Variants in ZNF560 observed in about 807,000 individuals in gnomAD.
The protein encoded by ZNF560 is zinc finger protein 560.
A neutral mutation model predicts 81.8 loss-of-function variants in ZNF560; 54 were observed. The ratio of observed to expected loss-of-function variants is 0.66; its 90% CI spans 0.53 to 0.83. ZNF560 has a LOEUF of 0.83. Among genes scored for constraint, ZNF560 ranks in the 40% least tolerant of loss-of-function variants. The pLI, the probability that ZNF560 is intolerant of heterozygous loss-of-function variation, is 0.00. For missense variants in ZNF560, 940 were observed against 932.4 expected (o/e 1.01, Z -0.11); for synonymous variants, 321 against 317.9 (o/e 1.01, Z -0.10).
rs3068759 is a variant in ZNF560, at chr19:9,471,416, T to TA, written c.239-39dup. On this transcript the variant is annotated intron_variant, in intron 5 of 9. Coordinates refer to ENST00000301480, the MANE Select transcript of ZNF560 (RefSeq NM_152476.3). ...CATAAACTGAGGTTTTTTTTTTTTT[T>TA]AAAAAAAAAGGTAAAATGAAAGAGT... is the stretch of plus-strand genomic sequence containing the variant. 2.4e-3 allele frequency: 3,072 copies of TA among 1,277,196 alleles called. 1 individual carries two copies. The highest frequency in any genetic ancestry group is 9.0e-3 in the South Asian group (581 of 64,230). The allele number at this position is 1,277,196 out of a possible 1,614,324, so 79.1% of individuals were successfully genotyped here.
chr19:9,465,384 T>C (rs2072999473), downstream of ZNF560, among the ~76,000 whole-genome samples: 1 of 152,178 alleles, frequency 6.6e-6, no homozygotes, highest in African/African-American at 2.4e-5. Context: ...GTGATCCACC[T>C]GCCTCAGCCT....
At chr19:9,472,311 G>C (rs2144692861) in intron 5 of ZNF560, among the ~76,000 whole-genome samples, 2 of 152,212 alleles carry the variant, frequency 1.3e-5, no homozygotes, top group South Asian at 4.2e-4. Flanking sequence ...ATTCATGTGA[G>C]ACCTGGTAGT....
downstream of ZNF560, among the ~76,000 whole-genome samples, chr19:9,461,364 T>C (rs538545010): frequency 6.6e-6 from 1 of 152,054 alleles, no homozygotes; most frequent in Non-Finnish European, 1.5e-5. Flanking sequence ...CAAGAAGGAG[T>C]TGGTTACCGG....
At chr19:9,469,895 C>T (rs1040631740) in intron 7 of ZNF560, 185 bp from the exon 8 acceptor site, 1 of 561,270 alleles carries the variant, frequency 1.8e-6, no homozygotes, top group Non-Finnish European at 3.2e-6. Context: ...TCAAGCTTAA[C>T]TCATTTCCTG....
At chr19:9,483,945 TA>T in intron 2 of ZNF560, among the ~76,000 whole-genome samples, 1 of 152,230 alleles carries the variant, frequency 6.6e-6, no homozygotes, top group African/African-American at 2.4e-5. Flanking sequence ...TGTTCTGTAG[TA>T]AGAAAAATTC....
intron 2 of ZNF560, among the ~76,000 whole-genome samples, chr19:9,496,757 G>A (rs2073565599): frequency 6.6e-6 from 1 of 151,594 alleles, no homozygotes. Context: ...CCAACATGGT[G>A]AAACCCCATC....
chr19:9,468,056 A>G lies in ZNF560; in HGVS notation c.891T>C (p.Tyr297=), dbSNP rs2073059787. 1.2e-6 allele frequency: 2 copies of G among 1,614,204 alleles called. No homozygotes were observed. The highest frequency in any genetic ancestry group is 1.7e-5 in the Admixed American group (1 of 60,024). The stretch of plus-strand genomic sequence containing the variant: ...ATGACTGATAAATGAAGGCTTTCCC[A>G]TAGTCAGTGCCTTCAAAGGATTTAT... ...TQDKSFEGTD[Y]GKAFIYQSYL... is the part of the protein sequence containing the mutation. The change falls in exon 10 of 10, where the codon TAT becomes TAC. Residue 297 remains tyrosine (Y), a synonymous_variant. Coordinates refer to ENST00000301480, the MANE Select transcript of ZNF560 (RefSeq NM_152476.3).
chr19:9,464,965 C>T (rs544440029), downstream of ZNF560, among the ~76,000 whole-genome samples: 1 of 152,118 alleles, frequency 6.6e-6, no homozygotes, highest in African/African-American at 2.4e-5. Flanking sequence ...AATTACTTTC[C>T]AACATTTATT....
intron 2 of ZNF560, among the ~76,000 whole-genome samples, chr19:9,495,443 C>T (rs770749297): frequency 2.6e-5 from 4 of 152,158 alleles, no homozygotes; most frequent in Admixed American, 6.5e-5. Flanking sequence ...TAGTAGCTCA[C>T]GGCTGCAATC....
chr19:9,455,723 G>C, the ZNF560 span, among the ~76,000 whole-genome samples: 2 of 152,190 alleles, frequency 1.3e-5, no homozygotes, highest in Non-Finnish European at 2.9e-5. Flanking sequence ...CTAATCCCAA[G>C]TGCCAGGCTG....
chr19:9,448,226 G>GT, the ZNF560 span, among the ~76,000 whole-genome samples: 768 of 147,630 alleles, frequency 5.2e-3, 10 homozygotes, highest in African/African-American at 0.018. Flanking sequence ...GTGTGCGTGT[G>GT]GCGGGGGGTT....
chr19:9,474,153 G>A (rs760621353), intron 4 of ZNF560, 46 bp downstream of exon 4: 6 of 1,609,896 alleles, frequency 3.7e-6, no homozygotes, highest in Non-Finnish European at 5.1e-6. Context: ...AGTACACAAT[G>A]TATATCTCTT....
Position 9,466,843 on chromosome 19 carries a change from G to A in ZNF560, c.2104C>T (p.Arg702Cys), listed in dbSNP as rs757976367. The change falls in exon 10 of 10, where the codon CGC becomes TGC. Residue 702 changes from arginine to cysteine, a missense_variant. By Grantham distance (180) the Arg-to-Cys change is radical. Coordinates refer to ENST00000301480, the MANE Select transcript of ZNF560 (RefSeq NM_152476.3). ...SFRNSMCFHDRLKTLTKIKPY... is the reference protein window; with the variant it reads ...SFRNSMCFHDCLKTLTKIKPY... ...TTTATTTTGGTGAGAGTTTTTAAGC[G>A]ATCATGAAAGCACATGGAATTTCGA... 1.1e-5 allele frequency: 18 copies of A among 1,614,040 alleles called. 1 individual carries two copies. Among genetic ancestry groups the A allele is most frequent in the South Asian group, 3.3e-5 (3 of 91,068 alleles).
chr19:9,488,868 T>C lies in ZNF560; in HGVS notation c.-57+9260A>G, dbSNP rs552011825. On this transcript the variant is annotated intron_variant, in intron 2 of 9. Transcript: ENST00000301480. ...ATGGGGGCAGATTTCTCATGAATGG[T>C]TTAGCACCATCTCCTTTGATACTGT... Among the ~76,000 whole-genome samples the C allele has an allele frequency of 7.8e-4, 119 of 152,176 alleles. 1 individual carries two copies. The South Asian group carries it at 0.025, about 31-fold the overall frequency.
intron 2 of ZNF560, among the ~76,000 whole-genome samples, chr19:9,491,034 C>T (rs573425424): frequency 6.6e-6 from 1 of 152,300 alleles, no homozygotes; most frequent in South Asian, 2.1e-4. Context: ...GAACAGGAAA[C>T]AGTAAATAGT....
upstream of ZNF560, among the ~76,000 whole-genome samples, chr19:9,499,208 C>T (rs1432920760): frequency 1.3e-5 from 2 of 151,096 alleles, no homozygotes; most frequent in East Asian, 1.9e-4. Context: ...GGGTCTGGCT[C>T]GGTTGCCAAG....
intron 2 of ZNF560, among the ~76,000 whole-genome samples, chr19:9,482,722 G>A (rs2073311265): frequency 6.7e-6 from 1 of 150,004 alleles, no homozygotes; most frequent in Non-Finnish European, 1.5e-5. Flanking sequence ...AGCCGAAGCT[G>A]GACTGTACTG....
intron 2 of ZNF560, among the ~76,000 whole-genome samples, chr19:9,478,181 A>C (rs1388973584): frequency 6.6e-6 from 1 of 152,182 alleles, no homozygotes; most frequent in Non-Finnish European, 1.5e-5. Context: ...GAGTTCCAAT[A>C]AGGTTATGAG....
chr19:9,500,278 G>A (rs1311419598), upstream of ZNF560, among the ~76,000 whole-genome samples: 1 of 151,694 alleles, frequency 6.6e-6, no homozygotes, highest in Non-Finnish European at 1.5e-5. Context: ...CCAGCTACTC[G>A]GGAGGCTGAG....
Sources: allele counts gnomAD v4.1 joint callset (sites outside exome capture counted in the v4.1 genomes callset), GRCh38; gene constraint gnomAD v4.1.1; transcripts MANE v1.5; gene names NCBI Gene and HGNC (gene_info 2026-07-23, HGNC 2026-07-21).